TNFAIP8: variants seen among roughly 807,000 people sequenced by gnomAD.
TNFAIP8 encodes TNF alpha induced protein 8, also known as tumor necrosis factor alpha-induced protein 8.
TNFAIP8 carries 7 observed loss-of-function variants against 13.3 expected under a neutral mutation model. The observed-to-expected ratio is 0.52, with a 90% CI of 0.30 to 0.99. The LOEUF (loss-of-function observed/expected upper bound fraction) is 0.99, where lower values mean the gene tolerates loss of function less well. TNFAIP8 is among the 50% of genes least tolerant of loss of function. The pLI is 0.07. For missense variants in TNFAIP8, 258 were observed against 236.9 expected (o/e 1.09, Z -0.58); for synonymous variants, 94 against 87.6 (o/e 1.07, Z -0.41).
chr5:119,380,899 T>C (rs1209324239), intron 1 of TNFAIP8, among the ~76,000 whole-genome samples: 1 of 152,208 alleles, frequency 6.6e-6, no homozygotes, highest in Non-Finnish European at 1.5e-5. Context: ...TTGCACAAGC[T>C]GACATCTGTA....
At chr5:119,289,942 G>A (rs1748930699) in intron 1 of TNFAIP8, among the ~76,000 whole-genome samples, 1 of 152,176 alleles carries the variant, frequency 6.6e-6, no homozygotes. Flanking sequence ...CCATTATGAA[G>A]TCAGTCCAAG....
chr5:119,376,467 T>C (rs1032348315), intron 1 of TNFAIP8, among the ~76,000 whole-genome samples: 1 of 152,214 alleles, frequency 6.6e-6, no homozygotes, highest in Admixed American at 6.5e-5. Context: ...TTATTTCATA[T>C]GTAAGAGTAT....
At chr5:119,280,100 A>T (rs777149937) in intron 1 of TNFAIP8, among the ~76,000 whole-genome samples, 4 of 152,206 alleles carry the variant, frequency 2.6e-5, no homozygotes, top group Non-Finnish European at 5.9e-5. Flanking sequence ...AATGTACACA[A>T]CTTAGTGAAT....
At chr5:119,391,688 G>T (rs998590292) in intron 1 of TNFAIP8, among the ~76,000 whole-genome samples, 1 of 151,608 alleles carries the variant, frequency 6.6e-6, no homozygotes, top group East Asian at 1.9e-4. Flanking sequence ...GAACCCGGGA[G>T]GTGGAGGTTG....
chr5:119,342,570 G>A (rs962749990), intron 1 of TNFAIP8, among the ~76,000 whole-genome samples: 1 of 152,074 alleles, frequency 6.6e-6, no homozygotes, highest in Non-Finnish European at 1.5e-5. Context: ...CTCCCTTCAG[G>A]AAAATTTCTT....
At chr5:119,381,418 C>A (rs1222095134) in intron 1 of TNFAIP8, among the ~76,000 whole-genome samples, 1 of 151,960 alleles carries the variant, frequency 6.6e-6, no homozygotes, top group African/African-American at 2.4e-5. Flanking sequence ...GGTGGTGTGC[C>A]TGTTCCTGTT....
chr5:119,319,011 C>G (rs1325612116), intron 1 of TNFAIP8, among the ~76,000 whole-genome samples: 1 of 152,144 alleles, frequency 6.6e-6, no homozygotes, highest in African/African-American at 2.4e-5. Flanking sequence ...ATACCTGTTT[C>G]TTCATTGAAT....
chr5:119,274,568 C>G (rs116254894), intron 1 of TNFAIP8, among the ~76,000 whole-genome samples: 3 of 152,312 alleles, frequency 2.0e-5, no homozygotes, highest in African/African-American at 7.2e-5. Flanking sequence ...TTTGCACACA[C>G]GTAGCCACTT....
At chr5:119,372,683 G>A (rs1408159879) in intron 1 of TNFAIP8, among the ~76,000 whole-genome samples, 4 of 152,176 alleles carry the variant, frequency 2.6e-5, no homozygotes, top group Non-Finnish European at 5.9e-5. Flanking sequence ...TTAGTGGCTG[G>A]GCACTATGGC....
intron 1 of TNFAIP8, among the ~76,000 whole-genome samples, chr5:119,271,231 C>T (rs1748282993): frequency 1.3e-5 from 2 of 152,120 alleles, no homozygotes; most frequent in South Asian, 4.1e-4. Flanking sequence ...ATGATTGCAT[C>T]CAAACAGTAC....
chr5:119,381,925 A>G (rs923227427), intron 1 of TNFAIP8, among the ~76,000 whole-genome samples: 1 of 152,078 alleles, frequency 6.6e-6, no homozygotes, highest in African/African-American at 2.4e-5. Flanking sequence ...CCGTCTCAAA[A>G]AAAATAAAAA....
intron 1 of TNFAIP8, among the ~76,000 whole-genome samples, chr5:119,350,707 C>T (rs1751092417): frequency 6.6e-6 from 1 of 152,184 alleles, no homozygotes; most frequent in Non-Finnish European, 1.5e-5. Flanking sequence ...ATTAGGCACT[C>T]ACATCCAGAG....
intron 1 of TNFAIP8, among the ~76,000 whole-genome samples, chr5:119,303,962 TCTCC>T (rs1749472133): frequency 6.6e-6 from 1 of 152,194 alleles, no homozygotes; most frequent in African/African-American, 2.4e-5. Context: ...CTCAGCCTTT[TCTCC>T]CTCTGTCTTC....
At chr5:119,321,816 G>T (rs898221739) in intron 1 of TNFAIP8, among the ~76,000 whole-genome samples, 9 of 152,070 alleles carry the variant, frequency 5.9e-5, no homozygotes, top group African/African-American at 2.2e-4. Flanking sequence ...TCATTCCCTT[G>T]CTCCAACCCC....
At chr5:119,287,924 A>C (rs62375088) in intron 1 of TNFAIP8, among the ~76,000 whole-genome samples, 24,138 of 152,234 alleles carry the variant, frequency 0.16, 2,300 homozygotes, top group Non-Finnish European at 0.22. Context: ...GAGACCAGGC[A>C]GGCATCTTAT....
rs1753138873 is a variant in TNFAIP8, at chr5:119,399,092, A to T, written c.*5711A>T. 1 of 152,214 alleles carries T rather than the reference A, an allele frequency of 6.6e-6. No homozygotes were observed. Among genetic ancestry groups the T allele is most frequent in the Non-Finnish European group, 1.5e-5 (1 of 68,036 alleles). 9.4% of individuals were successfully genotyped at this position (152,214 alleles called of 1,614,324 possible). On this transcript the variant is annotated 3_prime_UTR_variant, in exon 2 of 2. Transcript: ENST00000504771. Reference sequence around the variant, plus strand: ...ATCATATGGACTTAGTGTTCTCATGACCGAGGAGTCACATTTTTAGCTTGC... The same window carrying T: ...ATCATATGGACTTAGTGTTCTCATGTCCGAGGAGTCACATTTTTAGCTTGC...
chr5:119,334,625 G>A (rs1441296374), intron 1 of TNFAIP8, among the ~76,000 whole-genome samples: 1 of 14,166 alleles, frequency 7.1e-5, no homozygotes, highest in Admixed American at 7.3e-4. Context: ...TGATCCTTTC[G>A]TGTGTGTGTG....
intron 1 of TNFAIP8, among the ~76,000 whole-genome samples, chr5:119,366,368 TC>T (rs757815535): frequency 7.9e-5 from 12 of 152,078 alleles, no homozygotes; most frequent in South Asian, 2.1e-4. Flanking sequence ...CTCTAGTGCT[TC>T]TGAGGCAGGA....
chr5:119,286,725 G>A (rs1227095060), intron 1 of TNFAIP8, among the ~76,000 whole-genome samples: 1 of 152,160 alleles, frequency 6.6e-6, no homozygotes, highest in Non-Finnish European at 1.5e-5. Context: ...GTTTGTGGTG[G>A]CTCTGCCATG....
Sources: allele counts gnomAD v4.1 joint callset (sites outside exome capture counted in the v4.1 genomes callset), GRCh38; gene constraint gnomAD v4.1.1; transcripts MANE v1.5; gene names NCBI Gene and HGNC (gene_info 2026-07-23, HGNC 2026-07-21).